ZNF280C: variants seen among roughly 807,000 people sequenced by gnomAD.
The protein encoded by ZNF280C is zinc finger protein 280C.
ZNF280C carries 14 observed loss-of-function variants against 53.6 expected under a neutral mutation model. That is an observed-to-expected ratio of 0.26 (90% CI 0.17 to 0.41). ZNF280C has a LOEUF of 0.41. Among genes scored for constraint, ZNF280C ranks in the 10% least tolerant of loss-of-function variants. ZNF280C has a pLI of 1.00. For missense variants in ZNF280C, 416 were observed against 547.1 expected, an observed-to-expected ratio of 0.76 and a Z score of 2.39; for synonymous variants, 203 against 181.1, an observed-to-expected ratio of 1.12 and a Z score of -0.97.
intron 8 of ZNF280C, among the ~76,000 whole-genome samples, chrX:130,234,183 G>T (rs2032307862): frequency 8.9e-6 from 1 of 111,941 alleles, no homozygotes; most frequent in African/African-American, 3.2e-5. Flanking sequence ...AAAGTGATTT[G>T]GGAGGGTTGA....
At chrX:130,242,007 G>GGT (rs1556310458) in intron 5 of ZNF280C, among the ~76,000 whole-genome samples, 1 of 92,616 alleles carries the variant, frequency 1.1e-5, no homozygotes, top group Non-Finnish European at 2.1e-5. Flanking sequence ...AGCCGGGGGG[G>GGT]GGCGGGTGGC....
chrX:130,206,823 A>C (rs2031980929), intron 16 of ZNF280C, among the ~76,000 whole-genome samples: 1 of 111,880 alleles, frequency 8.9e-6, no homozygotes, highest in Non-Finnish European at 1.9e-5. Flanking sequence ...TGAGGCTCAA[A>C]TTTGTAGTTA....
rs1186746064 is a variant in ZNF280C at position 130,236,557 on chromosome X, AC to A, written c.575del (p.Ser192MetfsTer7). The A allele has an allele frequency of 8.3e-7, 1 of 1,207,059 alleles. No homozygotes were observed. Among genetic ancestry groups the A allele is most frequent in the Non-Finnish European group, 1.1e-6 (1 of 891,953 alleles). Reference protein sequence around the residue: ...NSVTPKKPKTSEDVPQINPST... With the variant: ...NSVTPKKPKTXEDVPQINPST... ...AGGGATTTATCTGAGGAACATCTTC[AC>A]TGGTCTTTGGTTTTTTTGGAGTAAC... On this transcript the variant is annotated frameshift_variant, in exon 7 of 19. Coordinates refer to ENST00000370978, the MANE Select transcript of ZNF280C (RefSeq NM_017666.5). LOFTEE classifies it high-confidence loss of function.
chrX:130,237,177 G>A (rs2032343643), intron 6 of ZNF280C, among the ~76,000 whole-genome samples: 1 of 111,080 alleles, frequency 9.0e-6, no homozygotes, highest in African/African-American at 3.3e-5. Context: ...TTTTTCCACC[G>A]AACAAACTAA....
At chrX:130,245,965 A>G (rs2032445681) in intron 3 of ZNF280C, among the ~76,000 whole-genome samples, 1 of 110,132 alleles carries the variant, frequency 9.1e-6, no homozygotes, top group African/African-American at 3.3e-5. Flanking sequence ...TTTAATCTTT[A>G]TAGTAGAGAG....
intron 8 of ZNF280C, among the ~76,000 whole-genome samples, chrX:130,234,592 T>G (rs1420933544): frequency 8.9e-6 from 1 of 112,333 alleles, no homozygotes; most frequent in Admixed American, 9.4e-5. Context: ...GAACAATTCC[T>G]TTTCCTAAGT....
intron 12 of ZNF280C, among the ~76,000 whole-genome samples, chrX:130,222,276 C>CCACACACACACACACACA (rs59694150): frequency 1.3e-3 from 88 of 69,928 alleles, no homozygotes; most frequent in Non-Finnish European, 1.5e-3. Context: ...CATTCAGACA[C>CCACACACACACACACACA]CACACACACA....
chrX:130,239,773 TTAA>T (rs1269805975), intron 5 of ZNF280C, 80 bp from the exon 6 acceptor site: 7 of 524,080 alleles, frequency 1.3e-5, no homozygotes, highest in Middle Eastern at 5.7e-4. Flanking sequence ...ATAAAGAATC[TTAA>T]TAACTCAATT....
chrX:130,264,111 T>A (rs2032663144), intron 1 of ZNF280C, among the ~76,000 whole-genome samples: 1 of 105,776 alleles, frequency 9.5e-6, no homozygotes, highest in Admixed American at 1.0e-4. Flanking sequence ...TTGGGAGTGA[T>A]GTGGAGAAAA....
intron 16 of ZNF280C, among the ~76,000 whole-genome samples, chrX:130,208,886 G>A (rs1339110675): frequency 9.1e-6 from 1 of 110,038 alleles, no homozygotes; most frequent in Non-Finnish European, 1.9e-5. Context: ...AGTAGAGACA[G>A]GGTTTCGCCA....
chrX:130,236,146 A>C, intron 8 of ZNF280C, 68 bp downstream of exon 8: 1 of 748,040 alleles, frequency 1.3e-6, no homozygotes, highest in Middle Eastern at 4.6e-4. Context: ...TTTACTGTAT[A>C]TCAATTTTCA....
Position 130,229,081 on chromosome X carries a change from C to A in ZNF280C, c.1043G>T (p.Ser348Ile). 1 of 1,209,242 alleles carries A rather than the reference C, an allele frequency of 8.3e-7. No homozygotes were observed. The highest frequency in any genetic ancestry group is 1.1e-6 in the Non-Finnish European group (1 of 894,203). Residue 348 changes from serine (S) to isoleucine (I), a missense_variant, in exon 10 of 19, where the codon AGC becomes ATC. Ser to Ile is a moderately radical substitution (Grantham distance 142). Coordinates refer to ENST00000370978, the MANE Select transcript of ZNF280C (RefSeq NM_017666.5). ...CTGGCAGGTGGTGTGGTTTTCCCAG[C>A]TTTCATTGTTCTGCTTCTCAAGTTC... ...HLELEKQNNE[S>I]WENHTTCQHC...
Position 130,203,742 on chromosome X carries a change from T to C in ZNF280C, c.*1235A>G, listed in dbSNP as rs1475136833. Reference sequence around the variant, plus strand: ...TTGGATAAAACTTTAAATGAAAACATGAATAACTGACTTTGGGAACTGTAA... The same window carrying C: ...TTGGATAAAACTTTAAATGAAAACACGAATAACTGACTTTGGGAACTGTAA... On this transcript the variant is annotated 3_prime_UTR_variant, in exon 19 of 19. Coordinates refer to ENST00000370978, the MANE Select transcript of ZNF280C (RefSeq NM_017666.5). 1.8e-5 allele frequency: 2 copies of C among 112,113 alleles called. No individual in the cohort carries two copies. Among genetic ancestry groups the C allele is most frequent in the Non-Finnish European group, 3.8e-5 (2 of 53,218 alleles). 9.2% of individuals were successfully genotyped at this position (112,113 alleles called of 1,213,427 possible). A position where few individuals can be genotyped will look rare whatever the true frequency, so the allele number is the denominator to read the frequency against.
rs750678152 is a variant in ZNF280C at position 130,204,218 on chromosome X, A to G, written c.*759T>C. The G allele has an allele frequency of 6.2e-5, 7 of 112,885 alleles. No homozygotes were observed. The highest frequency in any genetic ancestry group is 1.1e-4 in the Non-Finnish European group (6 of 53,353). 9.3% of individuals were successfully genotyped at this position (112,885 alleles called of 1,213,427 possible). On this transcript the variant is annotated 3_prime_UTR_variant, in exon 19 of 19. Coordinates refer to ENST00000370978, the MANE Select transcript of ZNF280C (RefSeq NM_017666.5). The stretch of plus-strand genomic sequence containing the variant: ...GGTTAAACGTCAACCTGGATGTTGA[A>G]GCACTGATCTCATGGACTTTTCTTG...
intron 1 of ZNF280C, among the ~76,000 whole-genome samples, chrX:130,262,944 T>G (rs2032647053): frequency 8.9e-6 from 1 of 112,557 alleles, no homozygotes; most frequent in African/African-American, 3.2e-5. Flanking sequence ...AAAAATAGAT[T>G]GACATAGTTA....
intron 8 of ZNF280C, among the ~76,000 whole-genome samples, chrX:130,232,133 T>C (rs1007665765): frequency 3.7e-5 from 4 of 106,713 alleles, no homozygotes; most frequent in African/African-American, 1.4e-4. Context: ...AACTAGACTT[T>C]GAGCACAGCT....
intron 8 of ZNF280C, among the ~76,000 whole-genome samples, chrX:130,231,663 C>A (rs757548373): frequency 9.1e-6 from 1 of 110,477 alleles, no homozygotes; most frequent in South Asian, 3.9e-4. Context: ...AAGTCCAAAC[C>A]TCAGCATCAT....
chrX:130,205,797 G>A (rs191306258), intron 16 of ZNF280C, among the ~76,000 whole-genome samples: 1 of 108,129 alleles, frequency 9.2e-6, no homozygotes, highest in East Asian at 2.9e-4. Flanking sequence ...GCTGAGACAG[G>A]AGAATTGCTT....
Position 130,216,105 on chromosome X carries a change from T to C in ZNF280C, c.1528-4A>G. 6 of 1,184,406 alleles carry C rather than the reference T, an allele frequency of 5.1e-6. No individual in the cohort carries two copies. Among genetic ancestry groups the C allele is most frequent in the Non-Finnish European group, 6.8e-6 (6 of 880,678 alleles). On this transcript the variant is annotated splice_region_variant and splice_polypyrimidine_tract_variant and intron_variant, in intron 13 of 18. Coordinates refer to ENST00000370978, the MANE Select transcript of ZNF280C (RefSeq NM_017666.5). ...CAAGTGAAGCTCGAATAGTAACCTATAAAAACAAAGCCAATACATATTTTT... is the reference window on the plus strand; with the variant it reads ...CAAGTGAAGCTCGAATAGTAACCTACAAAAACAAAGCCAATACATATTTTT...
Sources: gnomAD v4.1 joint callset for allele counts (sites outside exome capture counted in the v4.1 genomes callset) on GRCh38, gnomAD v4.1.1 for gene constraint, MANE v1.5 for transcripts, NCBI Gene and HGNC (gene_info 2026-07-23, HGNC 2026-07-21) for gene names.